Variants in CPVL observed in about 807,000 individuals in gnomAD.
The protein encoded by CPVL is probable serine carboxypeptidase CPVL.
Under a neutral mutation model 63.7 loss-of-function variants are expected in CPVL, and 51 were observed. The observed-to-expected ratio is 0.80, with a 90% CI of 0.64 to 1.01. The LOEUF is 1.01. CPVL is among the 50% of genes least tolerant of loss of function. The pLI is 0.00. For synonymous variants in CPVL, 195 were observed against 206.0 expected, an observed-to-expected ratio of 0.95 and a Z score of 0.46; for missense variants, 530 against 573.1, an observed-to-expected ratio of 0.92 and a Z score of 0.77.
intron 9 of CPVL, among the ~76,000 whole-genome samples, chr7:29,068,667 A>C (rs1783381272): frequency 6.7e-6 from 1 of 149,678 alleles, no homozygotes; most frequent in Admixed American, 6.6e-5. Flanking sequence ...ATCACCACAG[A>C]GGAGGTGTCT....
chr7:29,108,607 A>G (rs148174649), intron 3 of CPVL, among the ~76,000 whole-genome samples: 40 of 152,342 alleles, frequency 2.6e-4, no homozygotes, highest in Non-Finnish European at 4.7e-4. Context: ...TAAAAGTAAT[A>G]ATAACCATAA....
At chr7:29,134,900 G>A (rs1257547515) in intron 1 of CPVL, among the ~76,000 whole-genome samples, 1 of 152,002 alleles carries the variant, frequency 6.6e-6, no homozygotes, top group Non-Finnish European at 1.5e-5. Flanking sequence ...AGGAGTTCGA[G>A]ACCAGCCTGG....
chr7:29,159,788 C>A (rs965814963), intron 5 of CPVL, among the ~76,000 whole-genome samples: 1 of 152,194 alleles, frequency 6.6e-6, no homozygotes, highest in African/African-American at 2.4e-5. Flanking sequence ...CTATGTAATT[C>A]ACTCATTCTT....
At chr7:29,187,316 A>G (rs182282655) in intron 1 of CPVL, among the ~76,000 whole-genome samples, 109 of 152,098 alleles carry the variant, frequency 7.2e-4, no homozygotes, top group Middle Eastern at 3.4e-3. Flanking sequence ...GTAAGACATT[A>G]TCATCTAGTG....
intron 10 of CPVL, 57 bp from the exon 11 acceptor site, chr7:29,064,291 T>C: frequency 1.8e-6 from 2 of 1,117,500 alleles, no homozygotes; most frequent in Non-Finnish European, 2.6e-6. Context: ...AGGAACAGTA[T>C]GTTGGGAAAA....
intron 5 of CPVL, among the ~76,000 whole-genome samples, chr7:29,158,224 C>CT (rs2128704823): frequency 6.6e-6 from 1 of 152,300 alleles, no homozygotes; most frequent in East Asian, 1.9e-4. Flanking sequence ...CAATCAAGGA[C>CT]TATCTTCCTT....
intron 11 of CPVL, among the ~76,000 whole-genome samples, chr7:29,041,125 G>GTTTTTTT (rs1462534359): frequency 4.0e-5 from 5 of 125,634 alleles, no homozygotes; most frequent in Admixed American, 1.5e-4. Context: ...TCAATAACTG[G>GTTTTTTT]ATTTTTTTTT....
intron 7 of CPVL, among the ~76,000 whole-genome samples, chr7:29,076,530 C>G (rs777189306): frequency 7.2e-5 from 11 of 152,218 alleles, no homozygotes; most frequent in Non-Finnish European, 1.2e-4. Flanking sequence ...GCCGGATAAA[C>G]ATAACACATC....
chr7:29,162,418 T>C (rs1013971075), intron 5 of CPVL, among the ~76,000 whole-genome samples: 1 of 152,176 alleles, frequency 6.6e-6, no homozygotes, highest in Non-Finnish European at 1.5e-5. Context: ...TCCCAGCACT[T>C]TGGGAGGCCA....
chr7:29,101,342 T>C (rs1787097142), intron 3 of CPVL, among the ~76,000 whole-genome samples: 1 of 152,254 alleles, frequency 6.6e-6, no homozygotes, highest in Non-Finnish European at 1.5e-5. Flanking sequence ...GGCTCATGCC[T>C]ATAATCCCAG....
At chr7:29,177,293 A>G (rs1172069363) in intron 5 of CPVL, among the ~76,000 whole-genome samples, 5 of 151,664 alleles carry the variant, frequency 3.3e-5, no homozygotes, top group Admixed American at 3.3e-4. Flanking sequence ...TCACTCTGTC[A>G]TCCAGGCTGG....
chr7:29,149,700 G>A (rs1361893037), upstream of CPVL, among the ~76,000 whole-genome samples: 1 of 152,072 alleles, frequency 6.6e-6, no homozygotes, highest in Non-Finnish European at 1.5e-5. Flanking sequence ...AAACCTGGAG[G>A]GGAAGGATCC....
At chr7:29,022,709 A>G (rs1787125932) in intron 12 of CPVL, among the ~76,000 whole-genome samples, 2 of 152,126 alleles carry the variant, frequency 1.3e-5, no homozygotes, top group South Asian at 4.1e-4. Context: ...CAGCCTTTGT[A>G]TGCACACACC....
chr7:29,043,693 A>T (rs1392964889), intron 11 of CPVL, among the ~76,000 whole-genome samples: 1 of 152,218 alleles, frequency 6.6e-6, no homozygotes, highest in Non-Finnish European at 1.5e-5. Flanking sequence ...AATGATAATA[A>T]TAACAGTCAT....
chr7:29,019,097 T>C (rs1786704448), intron 12 of CPVL, among the ~76,000 whole-genome samples: 1 of 152,046 alleles, frequency 6.6e-6, no homozygotes, highest in Non-Finnish European at 1.5e-5. Flanking sequence ...ATAGAGAGCA[T>C]TATGACATTT....
At chr7:29,083,963 G>C (rs1337871029) in intron 7 of CPVL, among the ~76,000 whole-genome samples, 1 of 151,828 alleles carries the variant, frequency 6.6e-6, no homozygotes, top group African/African-American at 2.4e-5. Flanking sequence ...TCGTGGATCA[G>C]AGATAATATT....
At chr7:29,015,271 C>T (rs1786291385) in intron 12 of CPVL, among the ~76,000 whole-genome samples, 1 of 152,158 alleles carries the variant, frequency 6.6e-6, no homozygotes, top group South Asian at 2.1e-4. Flanking sequence ...ACCGCCTTGC[C>T]ACCATCACCA....
chr7:29,105,932 T>G (rs1471428407), intron 3 of CPVL, among the ~76,000 whole-genome samples: 1 of 152,090 alleles, frequency 6.6e-6, no homozygotes, highest in African/African-American at 2.4e-5. Context: ...CAAAGAGAAT[T>G]CCAAAGAATG....
chr7:29,030,879 T>G, intron 11 of CPVL, 120 bp from the exon 12 acceptor site: 2 of 846,596 alleles, frequency 2.4e-6, no homozygotes, highest in Non-Finnish European at 3.6e-6. Flanking sequence ...CTCTGAGATT[T>G]TCTTCTAGTT....
Sources: gnomAD v4.1 joint callset for allele counts (sites outside exome capture counted in the v4.1 genomes callset) on GRCh38, gnomAD v4.1.1 for gene constraint, MANE v1.5 for transcripts, NCBI Gene and HGNC (gene_info 2026-07-23, HGNC 2026-07-21) for gene names.